The following CNTN3 variants were observed in gnomAD, a reference collection of about 807,000 sequenced individuals.
The protein encoded by CNTN3 is contactin 3, also known as contactin-3.
In CNTN3, 60 loss-of-function variants were observed where a neutral mutation model predicts 119.1. That is an observed-to-expected ratio of 0.50 (90% CI 0.41 to 0.62). The LOEUF (loss-of-function observed/expected upper bound fraction) is 0.62, where lower values mean the gene tolerates loss of function less well. Among genes scored for constraint, CNTN3 ranks in the 20% least tolerant of loss-of-function variants. The probability of loss-of-function intolerance (pLI) is 0.00; values close to 1 mark genes in which losing one functional copy is unlikely to be tolerated. For synonymous variants in CNTN3, 450 were observed against 438.7 expected (o/e 1.03, Z -0.32); for missense variants, 1,101 against 1,242.4 (o/e 0.89, Z 1.71).
At chr3:74,299,714 A>G (rs1178202003) in intron 17 of CNTN3, among the ~76,000 whole-genome samples, 154 bp downstream of exon 17, 1 of 151,990 alleles carries the variant, frequency 6.6e-6, no homozygotes, top group Non-Finnish European at 1.5e-5. Flanking sequence ...TCCCACCATC[A>G]CCACCTATAT....
At chr3:74,387,903 C>T (rs1449941256) in intron 5 of CNTN3, among the ~76,000 whole-genome samples, 1 of 152,168 alleles carries the variant, frequency 6.6e-6, no homozygotes, top group Admixed American at 6.6e-5. Flanking sequence ...GGAAAAGAAA[C>T]TTAATTTATA....
chr3:74,510,013 TTATATACATA>T (rs5850182), intron 2 of CNTN3, among the ~76,000 whole-genome samples: 101,364 of 148,176 alleles, frequency 0.68, 35,589 homozygotes, highest in Middle Eastern at 0.8. Context: ...CATACCTATT[TTATATACATA>T]TATATACATA....
chr3:74,407,527 C>G (rs1329063898), intron 5 of CNTN3, among the ~76,000 whole-genome samples: 1 of 151,442 alleles, frequency 6.6e-6, no homozygotes, highest in South Asian at 2.1e-4. Flanking sequence ...CCCACCTCGG[C>G]CTCTCAAAGT....
chr3:74,467,871 T>C (rs531926365), intron 4 of CNTN3, among the ~76,000 whole-genome samples: 1 of 152,208 alleles, frequency 6.6e-6, no homozygotes, highest in Admixed American at 6.5e-5. Flanking sequence ...AGAGGGAAAG[T>C]AAAACAAAAC....
At chr3:74,561,192 A>T (rs13072614) in intron 1 of CNTN3, among the ~76,000 whole-genome samples, 134,864 of 151,280 alleles carry the variant, frequency 0.89, 61,253 homozygotes, top group Non-Finnish European at 0.98. Context: ...AAAATAAAAA[A>T]AAATAAAATG....
chr3:74,433,037 T>C (rs927321401), intron 4 of CNTN3, among the ~76,000 whole-genome samples: 4 of 151,954 alleles, frequency 2.6e-5, no homozygotes, highest in South Asian at 4.2e-4. Context: ...TTAGAGGCAG[T>C]GGGGAAGGAA....
chr3:74,459,753 C>T (rs1368393246), intron 4 of CNTN3, among the ~76,000 whole-genome samples: 1 of 151,910 alleles, frequency 6.6e-6, no homozygotes, highest in African/African-American at 2.4e-5. Flanking sequence ...GCCCAAATAC[C>T]CACAAACAAG....
At chr3:74,490,099 A>G (rs1275012154) in intron 3 of CNTN3, among the ~76,000 whole-genome samples, 1 of 152,198 alleles carries the variant, frequency 6.6e-6, no homozygotes, top group African/African-American at 2.4e-5. Flanking sequence ...TGACATTGGT[A>G]CCTGCCCTGA....
Position 74,369,387 on chromosome 3 carries a change from C to A in CNTN3, c.762-14G>T. 6.4e-7 allele frequency: 1 copy of A among 1,569,372 alleles called. No homozygotes were observed. The highest frequency in any genetic ancestry group is 1.2e-5 in the South Asian group (1 of 84,100). On this transcript the variant is annotated splice_polypyrimidine_tract_variant and intron_variant, in intron 7 of 22. Transcript: ENST00000263665. Reference sequence around the variant, plus strand: ...TGAGGTATGGGACTAAGAAGAAAATCGTCAAGTTGTCTGCTATTGTCTGGA... The same window carrying A: ...TGAGGTATGGGACTAAGAAGAAAATAGTCAAGTTGTCTGCTATTGTCTGGA...
intron 13 of CNTN3, among the ~76,000 whole-genome samples, chr3:74,312,455 C>CAAAAAAAAAAAAAAAAA (rs745514119): frequency 3.6e-5 from 1 of 27,808 alleles, no homozygotes; most frequent in African/African-American, 1.3e-4. Flanking sequence ...GACTCCATCT[C>CAAAAAAAAAAAAAAAAA]AAAAAAAAAA....
intron 4 of CNTN3, among the ~76,000 whole-genome samples, chr3:74,443,447 A>C (rs1575730082): frequency 6.6e-6 from 1 of 152,008 alleles, no homozygotes; most frequent in Non-Finnish European, 1.5e-5. Context: ...TTTCTTACAC[A>C]CTTGTCCAAT....
intron 4 of CNTN3, among the ~76,000 whole-genome samples, chr3:74,469,263 C>A (rs1024055855): frequency 6.6e-6 from 1 of 152,066 alleles, no homozygotes; most frequent in African/African-American, 2.4e-5. Context: ...TGGGTTCCGT[C>A]CACGCTAAGC....
chr3:74,362,068 A>T (rs1459592398), intron 10 of CNTN3, 28 bp from the exon 11 acceptor site: 1 of 1,604,120 alleles, frequency 6.2e-7, no homozygotes, highest in Non-Finnish European at 8.5e-7. Context: ...AGAGAAGGAG[A>T]AGTGGATCAT....
Position 74,452,494 on chromosome 3 carries a change from G to A in CNTN3, c.359-27554C>T, listed in dbSNP as rs974686584. On this transcript the variant is annotated intron_variant, in intron 4 of 22. Transcript: ENST00000263665. ...AATTTGACTTCCTCTTTTCCTAACC[G>A]AATACCCTTTATTTCCTTCTCCTGC... is the stretch of plus-strand genomic sequence containing the variant. Among the ~76,000 whole-genome samples, 45 of 148,672 alleles carry A rather than the reference G, an allele frequency of 3.0e-4. No homozygotes were observed. In the East Asian group the frequency reaches 6.1e-3, roughly 20 times the overall value.
intron 1 of CNTN3, among the ~76,000 whole-genome samples, chr3:74,611,015 G>C (rs1019176951): frequency 3.3e-5 from 5 of 152,018 alleles, no homozygotes; most frequent in Admixed American, 1.3e-4. Flanking sequence ...CAAAGTCAAG[G>C]GACTTAAAAA....
At chr3:74,532,604 G>T (rs1020826296) in intron 1 of CNTN3, among the ~76,000 whole-genome samples, 1 of 151,924 alleles carries the variant, frequency 6.6e-6, no homozygotes, top group African/African-American at 2.4e-5. Flanking sequence ...CTCACAGGTG[G>T]GGAGCGTCCA....
intron 13 of CNTN3, among the ~76,000 whole-genome samples, chr3:74,328,542 ACTTATTCTTGTAAATTTAAGTCTAC>A (rs1456951463): frequency 6.6e-6 from 1 of 151,836 alleles, no homozygotes; most frequent in Non-Finnish European, 1.5e-5. Context: ...GCTTGTTTTG[ACTTATTCTTGTAAATTTAAGTCTAC>A]CTTACAGGAT....
chr3:74,279,505 T>G (rs1242861438), intron 20 of CNTN3, among the ~76,000 whole-genome samples: 1 of 152,166 alleles, frequency 6.6e-6, no homozygotes, highest in African/African-American at 2.4e-5. Context: ...CTGGATGAGA[T>G]AGTAGACTAT....
intron 4 of CNTN3, among the ~76,000 whole-genome samples, chr3:74,469,260 C>T (rs944696548): frequency 4.6e-5 from 7 of 152,040 alleles, no homozygotes; most frequent in African/African-American, 1.2e-4. Context: ...TCTTGGGTTC[C>T]GTCCACGCTA....
Sources: allele counts gnomAD v4.1 joint callset (sites outside exome capture counted in the v4.1 genomes callset), GRCh38; gene constraint gnomAD v4.1.1; transcripts MANE v1.5; gene names NCBI Gene and HGNC (gene_info 2026-07-23, HGNC 2026-07-21).